Variants in NBPF15 observed in about 807,000 individuals in gnomAD.
The protein encoded by NBPF15 is NBPF member 15.
NBPF15 carries 74 observed loss-of-function variants against 62.2 expected under a neutral mutation model. That is an observed-to-expected ratio of 1.19 (90% CI 0.99 to 1.44). NBPF15 has a LOEUF of 1.44. Among genes scored for constraint, NBPF15 ranks in the 40% most tolerant of loss-of-function variants. NBPF15 has a pLI of 0.00. For synonymous variants in NBPF15, 244 were observed against 209.7 expected (o/e 1.16, Z -1.41); for missense variants, 790 against 550.0 (o/e 1.44, Z -4.36).
At chr1:144,450,448 A>T (rs1172495415) in intron 5 of NBPF15, among the ~76,000 whole-genome samples, 1 of 151,974 alleles carries the variant, frequency 6.6e-6, no homozygotes, top group African/African-American at 2.4e-5. Context: ...TCAGCCCCCC[A>T]CAAACAAGAA....
Position 144,425,546 on chromosome 1 carries a change from C to T in NBPF15, c.1461G>A (p.Glu487=), listed in dbSNP as rs1253664279. Residue 487 remains glutamate, a synonymous_variant, in exon 19 of 22, where the codon GAG becomes GAA. Transcript: ENST00000581897. The part of the protein sequence containing the change: ...DVDRIKKDQE[E]EEDQGPPCPR... ...GGCATGGTGGGCCTTGGTCTTCTTC[C>T]TCTTCTTGGTCCTTTTTAATTCCTG... 2.0e-6 allele frequency: 1 copy of T among 511,664 alleles called. No individual in the cohort carries two copies. The highest frequency in any genetic ancestry group is 3.4e-6 in the Non-Finnish European group (1 of 292,422). 31.7% of individuals were successfully genotyped at this position (511,664 alleles called of 1,614,324 possible).
chr1:144,453,914 C>CAA (rs1692824823), intron 4 of NBPF15, among the ~76,000 whole-genome samples: 1 of 132,120 alleles, frequency 7.6e-6, no homozygotes, highest in Non-Finnish European at 1.6e-5. Context: ...TAAGTTCATT[C>CAA]AAAATCCTGC....
rs1553538470 is a variant in NBPF15, at chr1:144,422,971, C to A, written c.*42G>T. The A allele has an allele frequency of 1.9e-6, 3 of 1,611,614 alleles. No individual in the cohort carries two copies. Among genetic ancestry groups the A allele is most frequent in the Admixed American group, 1.7e-5 (1 of 59,982 alleles). Reference sequence around the variant, plus strand: ...TTCAAATCTTCTCGTGCCTATAGGTCCTGCCTGCAGGAATGACATCTCTCG... The same window carrying A: ...TTCAAATCTTCTCGTGCCTATAGGTACTGCCTGCAGGAATGACATCTCTCG... On this transcript the variant is annotated 3_prime_UTR_variant, in exon 22 of 22. Coordinates refer to ENST00000581897, the MANE Select transcript of NBPF15 (RefSeq NM_001385408.1).
chr1:144,435,237 C>A lies in NBPF15; in HGVS notation c.646G>T (p.Gly216Cys), dbSNP rs1553540843. 6.2e-7 allele frequency: 1 copy of A among 1,612,838 alleles called. No individual in the cohort carries two copies. Among genetic ancestry groups the A allele is most frequent in the Non-Finnish European group, 8.5e-7 (1 of 1,179,626 alleles). Residue 216 changes from glycine (G) to cysteine (C), a missense_variant, in exon 12 of 22, where the codon GGC becomes TGC. By Grantham distance (159) the Gly-to-Cys change is radical. Coordinates refer to ENST00000581897, the MANE Select transcript of NBPF15 (RefSeq NM_001385408.1). ...ECAITCSNSH[G>C]PYDSNQPHKK... ...TGTGGCTGGTTGGAGTCATAAGGGC[C>A]ATGGCTATTTGAACAAGTGATGGCA...
In NBPF15 at chr1:144,423,240, T is replaced by C; in HGVS notation, c.1786A>G (p.Met596Val). 1 of 1,611,302 alleles carries C rather than the reference T, an allele frequency of 6.2e-7. No homozygotes were observed. Among genetic ancestry groups the C allele is most frequent in the African/African-American group, 1.3e-5 (1 of 74,756 alleles). Residue 596 changes from methionine (M) to valine (V), a missense_variant, in exon 22 of 22, where the codon ATG becomes GTG. Coordinates refer to ENST00000581897, the MANE Select transcript of NBPF15 (RefSeq NM_001385408.1). Reference sequence around the variant, plus strand: ...AAGACTTCAGGCTCTTCCACTTCCATCAGCACGCCGTAGAGCCTGGAAAAG... The same window carrying C: ...AAGACTTCAGGCTCTTCCACTTCCACCAGCACGCCGTAGAGCCTGGAAAAG... ...PPCPRLYGVL[M>V]EVEEPEVLQD...
intron 13 of NBPF15, among the ~76,000 whole-genome samples, chr1:144,432,683 A>C (rs9438162): frequency 2.4e-3 from 318 of 129,898 alleles, no homozygotes; most frequent in African/African-American, 5.1e-3. Flanking sequence ...AACAGACTTT[A>C]AACCAACAAA....
At chr1:144,456,451 C>T (rs1404231637) in intron 4 of NBPF15, 86 bp downstream of exon 4, 13 of 924,088 alleles carry the variant, frequency 1.4e-5, no homozygotes, top group South Asian at 8.2e-5. Context: ...TGTTTAGGGC[C>T]CTTGGCATCT....
At chr1:144,438,984 A>C in intron 8 of NBPF15, among the ~76,000 whole-genome samples, 1 of 151,238 alleles carries the variant, frequency 6.6e-6, no homozygotes, top group South Asian at 2.1e-4. Flanking sequence ...TTTATTTATC[A>C]TTATTATTAT....
intron 8 of NBPF15, among the ~76,000 whole-genome samples, chr1:144,439,342 T>C (rs1308024744): frequency 2.0e-5 from 3 of 151,976 alleles, no homozygotes; most frequent in Non-Finnish European, 4.4e-5. Flanking sequence ...AGGAGTAGAC[T>C]CCTCTTGAAG....
chr1:144,459,906 A>C (rs1651267723), intron 2 of NBPF15, among the ~76,000 whole-genome samples: 1 of 151,900 alleles, frequency 6.6e-6, no homozygotes, highest in African/African-American at 2.4e-5. Flanking sequence ...TGTAATACTA[A>C]GTTTTATCAT....
chr1:144,442,936 G>A (rs1418358561), intron 6 of NBPF15: 4 of 204,468 alleles, frequency 2.0e-5, no homozygotes, highest in Non-Finnish European at 4.4e-5. Context: ...GGGCAAAGAA[G>A]GTATTCATGG....
intron 6 of NBPF15, among the ~76,000 whole-genome samples, chr1:144,446,030 T>C (rs1687309741): frequency 6.7e-6 from 1 of 149,714 alleles, no homozygotes; most frequent in Non-Finnish European, 1.5e-5. Flanking sequence ...TAATTTTTTG[T>C]ATTTTTAGTA....
intron 21 of NBPF15, 48 bp from the exon 22 acceptor site, chr1:144,423,304 C>T (rs1553538621): frequency 1.7e-5 from 28 of 1,611,250 alleles, no homozygotes; most frequent in East Asian, 2.2e-5. Flanking sequence ...AAATCAGACA[C>T]CACAGAGCCC....
intron 6 of NBPF15, among the ~76,000 whole-genome samples, chr1:144,445,274 A>G (rs1414039926): frequency 1.4e-4 from 17 of 122,456 alleles, no homozygotes; most frequent in African/African-American, 5.7e-4. Context: ...GTATATGTAT[A>G]TATATATATA....
Position 144,427,960 on chromosome 1 carries a change from C to G in NBPF15, c.1071G>C (p.Glu357Asp), listed in dbSNP as rs1553539635. 2.6e-6 allele frequency: 2 copies of G among 783,004 alleles called. No individual in the cohort carries two copies. The highest frequency in any genetic ancestry group is 4.7e-6 in the Non-Finnish European group (2 of 425,640). 48.5% of individuals were successfully genotyped at this position (783,004 alleles called of 1,614,324 possible). Residue 357 changes from glutamate (E) to aspartate (D), a missense_variant, in exon 16 of 22, where the codon GAG becomes GAC. By Grantham distance (45) the Glu-to-Asp change is conservative. Transcript: ENST00000581897. The stretch of plus-strand genomic sequence containing the variant: ...CCAGTGAGTCCTGCAAGACTTCAGG[C>G]TCTTTCTCATCCAGCAGCTCCCTGC... ...RLSRELLDEK[E>D]PEVLQDSLDR...
chr1:144,448,447 T>A (rs1464026247), intron 6 of NBPF15, among the ~76,000 whole-genome samples: 1 of 152,006 alleles, frequency 6.6e-6, no homozygotes, highest in African/African-American at 2.4e-5. Flanking sequence ...TGTTTGCTCA[T>A]TTTCTATGTA....
chr1:144,440,766 C>T (rs1172106936), intron 6 of NBPF15, among the ~76,000 whole-genome samples: 3 of 150,266 alleles, frequency 2.0e-5, no homozygotes, highest in Admixed American at 6.6e-5. Context: ...TATTCTCCTG[C>T]CTCAGACTCC....
intron 6 of NBPF15, among the ~76,000 whole-genome samples, chr1:144,442,437 T>G (rs1330884386): frequency 4.1e-5 from 6 of 145,816 alleles, no homozygotes; most frequent in Non-Finnish European, 9.0e-5. Flanking sequence ...TATATTTTTT[T>G]CTTTTTTAAG....
chr1:144,428,063 G>A, intron 15 of NBPF15, 73 bp from the exon 16 acceptor site: 2 of 784,762 alleles, frequency 2.5e-6, no homozygotes, highest in East Asian at 2.4e-5. Context: ...TAGATTTCAT[G>A]GCTAACATAA....
Sources: gnomAD v4.1 joint callset for allele counts (sites outside exome capture counted in the v4.1 genomes callset) on GRCh38, gnomAD v4.1.1 for gene constraint, MANE v1.5 for transcripts, NCBI Gene and HGNC (gene_info 2026-07-23, HGNC 2026-07-21) for gene names.